MTHFD1: variants seen among roughly 807,000 people sequenced by gnomAD.
The protein encoded by MTHFD1 is methylenetetrahydrofolate dehydrogenase, cyclohydrolase and formyltetrahydrofolate synthetase 1, also known as C-1-tetrahydrofolate synthase, cytoplasmic.
In MTHFD1, 44 loss-of-function variants were observed where a neutral mutation model predicts 110.3. That is an observed-to-expected ratio of 0.40 (90% CI 0.31 to 0.51). The LOEUF (loss-of-function observed/expected upper bound fraction) is 0.51, where lower values mean the gene tolerates loss of function less well. MTHFD1 is among the 20% of genes least tolerant of loss of function. MTHFD1 has a pLI of 0.60. For synonymous variants in MTHFD1, 402 were observed against 428.8 expected (o/e 0.94, Z 0.77); for missense variants, 909 against 1,173.1 (o/e 0.77, Z 3.29).
intron 22 of MTHFD1, among the ~76,000 whole-genome samples, chr14:64,446,028 A>G (rs1442249851): frequency 6.6e-6 from 1 of 152,280 alleles, no homozygotes; most frequent in East Asian, 1.9e-4. Context: ...ATCAACAAAC[A>G]TTAGTGCTGG....
chr14:64,420,031 C>A, intron 8 of MTHFD1, 106 bp downstream of exon 8: 1 of 857,750 alleles, frequency 1.2e-6, no homozygotes. Flanking sequence ...GCTTGTAGTA[C>A]TAAGGTTTAG....
intron 17 of MTHFD1, chr14:64,439,463 A>G: frequency 2.2e-6 from 1 of 463,992 alleles, no homozygotes. Context: ...TTTTGTGGCC[A>G]TTTCACTGTA....
intron 2 of MTHFD1, among the ~76,000 whole-genome samples, chr14:64,407,172 G>C: frequency 6.6e-6 from 1 of 152,064 alleles, no homozygotes; most frequent in East Asian, 1.9e-4. Context: ...TTCATTATAA[G>C]AGATACTAAT....
chr14:64,410,958 C>A, intron 2 of MTHFD1, 132 bp from the exon 3 acceptor site: 1 of 717,528 alleles, frequency 1.4e-6, no homozygotes, highest in Non-Finnish European at 2.5e-6. Flanking sequence ...CCTCCCTATA[C>A]TCCTGTAAAA....
At chr14:64,432,422 A>G (rs1403593704) in intron 15 of MTHFD1, among the ~76,000 whole-genome samples, 1 of 152,226 alleles carries the variant, frequency 6.6e-6, no homozygotes, top group Non-Finnish European at 1.5e-5. Flanking sequence ...AAATCTGTAC[A>G]TTAATGTTTT....
At chr14:64,436,051 T>C (rs1352800835) in intron 16 of MTHFD1, among the ~76,000 whole-genome samples, 1 of 152,204 alleles carries the variant, frequency 6.6e-6, no homozygotes, top group Non-Finnish European at 1.5e-5. Context: ...AGAACTCTTG[T>C]GTGGCATAAA....
At chr14:64,393,021 G>C (rs952360940) in intron 1 of MTHFD1, among the ~76,000 whole-genome samples, 1 of 152,176 alleles carries the variant, frequency 6.6e-6, no homozygotes, top group Non-Finnish European at 1.5e-5. Flanking sequence ...GTGAAGGGCA[G>C]GTCTTCTTGG....
Position 64,419,802 on chromosome 14 carries a change from C to T in MTHFD1, c.616-12C>T. ...TTATTTCATTTCTGATGTCCAAATC[C>T]CCTACCCCTAGGTAAATAAAGGTGA... On this transcript the variant is annotated splice_polypyrimidine_tract_variant and intron_variant, in intron 7 of 27. Coordinates refer to ENST00000652337, the MANE Select transcript of MTHFD1 (RefSeq NM_005956.4). 6.3e-7 allele frequency: 1 copy of T among 1,579,452 alleles called. No homozygotes were observed. Among genetic ancestry groups the T allele is most frequent in the Non-Finnish European group, 8.7e-7 (1 of 1,148,444 alleles).
intron 11 of MTHFD1, among the ~76,000 whole-genome samples, chr14:64,426,569 C>G (rs753565422): frequency 6.6e-6 from 1 of 152,186 alleles, no homozygotes; most frequent in Non-Finnish European, 1.5e-5. Context: ...CTCCCAAGTT[C>G]AAGCGGTTCT....
intron 23 of MTHFD1, 118 bp downstream of exon 23, chr14:64,448,435 G>GT: frequency 1.2e-6 from 1 of 831,794 alleles, no homozygotes; most frequent in South Asian, 1.4e-5. Context: ...ATAGCCTGTG[G>GT]TTTTAGCCTG....
chr14:64,397,446 C>T (rs1330640382), intron 1 of MTHFD1, among the ~76,000 whole-genome samples: 1 of 151,614 alleles, frequency 6.6e-6, no homozygotes, highest in East Asian at 2.0e-4. Flanking sequence ...GCGCGTGCCA[C>T]CACGCCTGGC....
intron 4 of MTHFD1, among the ~76,000 whole-genome samples, chr14:64,415,127 G>A (rs1029010009): frequency 6.6e-6 from 1 of 152,118 alleles, no homozygotes; most frequent in Non-Finnish European, 1.5e-5. Context: ...GAGACACCTC[G>A]CCCAGCCTCT....
intron 2 of MTHFD1, among the ~76,000 whole-genome samples, chr14:64,407,562 T>G (rs1596535427): frequency 6.8e-6 from 1 of 147,398 alleles, no homozygotes; most frequent in African/African-American, 2.5e-5. Flanking sequence ...TTTTTTTTTT[T>G]GAGTCAGAAT....
intron 15 of MTHFD1, among the ~76,000 whole-genome samples, chr14:64,435,367 C>T (rs73263782): frequency 0.062 from 9,437 of 152,152 alleles, 515 homozygotes; most frequent in African/African-American, 0.16. Context: ...ACTCAACCTA[C>T]TTGGAGATAA....
chr14:64,448,097 G>T, intron 22 of MTHFD1, 120 bp from the exon 23 acceptor site: 1 of 743,500 alleles, frequency 1.3e-6, no homozygotes, highest in Non-Finnish European at 2.4e-6. Context: ...CTTCTTTCTT[G>T]GCCTCCTTGT....
chr14:64,427,768 A>G (rs940097908), intron 12 of MTHFD1, among the ~76,000 whole-genome samples: 5 of 152,230 alleles, frequency 3.3e-5, no homozygotes, highest in African/African-American at 1.2e-4. Context: ...AAAGGTAATC[A>G]TAGCTACTGA....
rs544319479 is a variant in MTHFD1, at chr14:64,389,564, C to T, written c.41+1096C>T. ...CTCTACTAAAAATACAAAAAATTAGCCGAGTGTGGTGGCAGGCATCTGTAA... is the reference window on the plus strand; with the variant it reads ...CTCTACTAAAAATACAAAAAATTAGTCGAGTGTGGTGGCAGGCATCTGTAA... On this transcript the variant is annotated intron_variant, in intron 1 of 27. Transcript: ENST00000652337. Among the ~76,000 whole-genome samples, 36 of 152,188 alleles carry T rather than the reference C, an allele frequency of 2.4e-4. No homozygotes were observed. In the East Asian group the frequency reaches 6.4e-3, roughly 27 times the overall value.
chr14:64,425,210 C>CTT (rs60509639), intron 9 of MTHFD1, among the ~76,000 whole-genome samples: 23 of 128,752 alleles, frequency 1.8e-4, no homozygotes, highest in South Asian at 5.1e-4. Context: ...CCTTCCCTTT[C>CTT]TTTTTTTTTT....
At chr14:64,427,214 C>A in intron 11 of MTHFD1, 123 bp from the exon 12 acceptor site, 1 of 1,171,896 alleles carries the variant, frequency 8.5e-7, no homozygotes, top group Non-Finnish European at 1.2e-6. Flanking sequence ...CACTGCTATG[C>A]CTGACTTTGT....
Sources: gnomAD v4.1 joint callset for allele counts (sites outside exome capture counted in the v4.1 genomes callset) on GRCh38, gnomAD v4.1.1 for gene constraint, MANE v1.5 for transcripts, NCBI Gene and HGNC (gene_info 2026-07-23, HGNC 2026-07-21) for gene names.